XKR4: variants seen among roughly 807,000 people sequenced by gnomAD.
XKR4 encodes the protein XK-related protein 4.
In XKR4, 12 loss-of-function variants were observed where a neutral mutation model predicts 53.9. The ratio of observed to expected loss-of-function variants is 0.22; its 90% confidence interval spans 0.14 to 0.36. The LOEUF (loss-of-function observed/expected upper bound fraction) is 0.36. XKR4 is among the 10% of genes least tolerant of loss of function. The pLI is 1.00. For synonymous variants in XKR4, 354 were observed against 362.4 expected (o/e 0.98, Z 0.26); for missense variants, 799 against 859.5 (o/e 0.93, Z 0.88).
intron 1 of XKR4, among the ~76,000 whole-genome samples, chr8:55,306,418 G>T (rs538968784): frequency 1.3e-5 from 2 of 152,326 alleles, no homozygotes; most frequent in East Asian, 3.9e-4. Flanking sequence ...CCATTTTCAT[G>T]CTGCTGATAA....
At chr8:55,437,848 G>A (rs1805198297) in intron 2 of XKR4, among the ~76,000 whole-genome samples, 1 of 152,048 alleles carries the variant, frequency 6.6e-6, no homozygotes, top group Non-Finnish European at 1.5e-5. Flanking sequence ...AAGCAGCAGT[G>A]TAAATAATCA....
At chr8:55,373,213 CG>C (rs988156395) in intron 2 of XKR4, among the ~76,000 whole-genome samples, 68 of 152,252 alleles carry the variant, frequency 4.5e-4, no homozygotes, top group African/African-American at 1.6e-3. Context: ...GTCGTCTAGT[CG>C]GGAGTACAGT....
chr8:55,434,108 T>C (rs967446985), intron 2 of XKR4, among the ~76,000 whole-genome samples: 5 of 152,194 alleles, frequency 3.3e-5, no homozygotes, highest in African/African-American at 1.2e-4. Flanking sequence ...TCTTTATTTT[T>C]AAAAGTTTAC....
intron 2 of XKR4, among the ~76,000 whole-genome samples, chr8:55,402,943 C>T (rs918576287): frequency 6.6e-6 from 1 of 152,172 alleles, no homozygotes; most frequent in Non-Finnish European, 1.5e-5. Context: ...CTTTCAGCTC[C>T]GTCCAGGTCA....
intron 1 of XKR4, among the ~76,000 whole-genome samples, chr8:55,311,478 A>G (rs374626322): frequency 1.3e-5 from 2 of 152,214 alleles, no homozygotes; most frequent in South Asian, 2.1e-4. Flanking sequence ...GTGTAACCAG[A>G]TCAAAGGAGC....
chr8:55,276,180 T>G (rs1818761148), intron 1 of XKR4, among the ~76,000 whole-genome samples: 2 of 152,334 alleles, frequency 1.3e-5, no homozygotes, highest in Admixed American at 6.5e-5. Flanking sequence ...GTCATTCTTT[T>G]CCTGGGTCTC....
At chr8:55,111,083 C>A (rs967324610) in intron 1 of XKR4, among the ~76,000 whole-genome samples, 1 of 152,052 alleles carries the variant, frequency 6.6e-6, no homozygotes, top group Admixed American at 6.6e-5. Context: ...GGCATCTGTC[C>A]TTTTGGGAAT....
chr8:55,323,898 A>G (rs549836324), intron 1 of XKR4, among the ~76,000 whole-genome samples: 42 of 152,014 alleles, frequency 2.8e-4, no homozygotes, highest in Middle Eastern at 6.8e-3. Context: ...CATTTTTTTT[A>G]AATTTGAGAT....
rs185280956 is a variant in XKR4, at chr8:55,316,958, T to C, written c.807-40720T>C. On this transcript the variant is annotated intron_variant, in intron 1 of 2. Transcript: ENST00000327381. ...GTATATCGGATGTTAAAGGGACTTTTAATTAAAAGGAATAGCTGGCTGGGA... is the reference window on the plus strand; with the variant it reads ...GTATATCGGATGTTAAAGGGACTTTCAATTAAAAGGAATAGCTGGCTGGGA... Among the ~76,000 whole-genome samples, 6 of 152,344 alleles carry C rather than the reference T, an allele frequency of 3.9e-5. No homozygotes were observed. The East Asian group carries it at 1.2e-3, about 29-fold the overall frequency.
chr8:55,337,776 G>C (rs1271727707), intron 1 of XKR4, among the ~76,000 whole-genome samples: 1 of 152,160 alleles, frequency 6.6e-6, no homozygotes, highest in Non-Finnish European at 1.5e-5. Context: ...GCTTTTTAAA[G>C]GAATACCCTT....
At chr8:55,213,582 C>G (rs193185974) in intron 1 of XKR4, among the ~76,000 whole-genome samples, 1 of 152,138 alleles carries the variant, frequency 6.6e-6, no homozygotes, top group Admixed American at 6.5e-5. Context: ...GTTAGACTAT[C>G]TTTAAAGGTA....
chr8:55,470,679 T>A (rs891911369), intron 2 of XKR4, among the ~76,000 whole-genome samples: 1 of 152,198 alleles, frequency 6.6e-6, no homozygotes, highest in Non-Finnish European at 1.5e-5. Context: ...GGGACTTACA[T>A]GTCTTACAAA....
In XKR4 at chr8:55,396,403, T is replaced by TTTTTTTG. The variant is rs1310881048; in HGVS notation, c.1006+38532_1006+38533insGTTTTTT. On this transcript the variant is annotated intron_variant, in intron 2 of 2. Coordinates refer to ENST00000327381, the MANE Select transcript of XKR4 (RefSeq NM_052898.2). ...TTTGTGTTTTTTTTTTGTTTGGTTTTTTTTTTTTTTTTTTTGCAGAGGATG... is the reference window on the plus strand; with the variant it reads ...TTTGTGTTTTTTTTTTGTTTGGTTTTTTTTTTGTTTTTTTTTTTTTTTGCAGAGGATG... 9.4e-4 allele frequency among the ~76,000 whole-genome samples: 131 copies of TTTTTTTG among 139,734 alleles called. 4 individuals are homozygous for TTTTTTTG. Among genetic ancestry groups the TTTTTTTG allele is most frequent in the African/African-American group, 3.3e-3 (121 of 36,300 alleles). The allele number at this position is 139,734 out of a possible 152,430, so 91.7% of individuals were successfully genotyped here.
In XKR4 at chr8:55,524,389, T is replaced by G. The variant is rs1585619400; in HGVS notation, c.*162T>G. The G allele has an allele frequency of 2.8e-6, 2 of 724,570 alleles. No homozygotes were observed. Among genetic ancestry groups the G allele is most frequent in the East Asian group, 5.4e-5 (2 of 36,712 alleles). 44.9% of individuals were successfully genotyped at this position (724,570 alleles called of 1,614,324 possible). A position where few individuals can be genotyped will look rare whatever the true frequency, so the allele number is the denominator to read the frequency against. On this transcript the variant is annotated 3_prime_UTR_variant, in exon 3 of 3. Transcript: ENST00000327381. The stretch of plus-strand genomic sequence containing the variant: ...GATCCTGTCGGCTGGGGGCGGCTGG[T>G]CTCCTTCCAAAGCAGCTGCACCCGA...
intron 1 of XKR4, among the ~76,000 whole-genome samples, chr8:55,111,596 C>A (rs552032302): frequency 6.6e-6 from 1 of 152,226 alleles, no homozygotes; most frequent in East Asian, 1.9e-4. Context: ...TAGCTATAAT[C>A]AAATAAAACA....
chr8:55,394,495 C>A (rs567874818), intron 2 of XKR4, among the ~76,000 whole-genome samples: 2 of 152,290 alleles, frequency 1.3e-5, no homozygotes, highest in South Asian at 4.2e-4. Flanking sequence ...TTTAATAAGA[C>A]ATGGTTTTGA....
At chr8:55,406,396 A>G (rs1804682664) in intron 2 of XKR4, among the ~76,000 whole-genome samples, 1 of 152,162 alleles carries the variant, frequency 6.6e-6, no homozygotes, top group Admixed American at 6.5e-5. Context: ...CATCACCTCT[A>G]TGAGGTAGAT....
intron 2 of XKR4, among the ~76,000 whole-genome samples, chr8:55,408,531 G>A (rs1345416908): frequency 6.6e-6 from 1 of 152,212 alleles, no homozygotes; most frequent in East Asian, 1.9e-4. Flanking sequence ...GGCCCCAAAG[G>A]AACAGACACA....
intron 1 of XKR4, among the ~76,000 whole-genome samples, chr8:55,110,074 A>G (rs1466395998): frequency 6.6e-6 from 1 of 152,182 alleles, no homozygotes. Flanking sequence ...AACTGGACCT[A>G]TGGAAGCAAG....
Sources: gnomAD v4.1 joint callset for allele counts (sites outside exome capture counted in the v4.1 genomes callset) on GRCh38, gnomAD v4.1.1 for gene constraint, MANE v1.5 for transcripts, NCBI Gene and HGNC (gene_info 2026-07-23, HGNC 2026-07-21) for gene names.